The following CNNM2 variants were observed in gnomAD, a reference collection of about 807,000 sequenced individuals.
CNNM2 encodes metal transporter CNNM2.
A neutral mutation model predicts 66.9 loss-of-function variants in CNNM2; 12 were observed. The observed-to-expected ratio is 0.18, with a 90% CI of 0.11 to 0.29. CNNM2 has a LOEUF of 0.29. Among genes scored for constraint, CNNM2 ranks in the 10% least tolerant of loss-of-function variants. The probability of loss-of-function intolerance (pLI) is 1.00; values close to 1 mark genes in which losing one functional copy is unlikely to be tolerated. For missense variants in CNNM2, 705 were observed against 1,167.7 expected, an observed-to-expected ratio of 0.60 and a Z score of 5.77; for synonymous variants, 557 against 501.8, an observed-to-expected ratio of 1.11 and a Z score of -1.47.
chr10:103,089,557 A>C lies in CNNM2; in HGVS notation c.*12377A>C. On this transcript the variant is annotated 3_prime_UTR_variant, in exon 8 of 8. Coordinates refer to ENST00000369878, the MANE Select transcript of CNNM2 (RefSeq NM_017649.5). The stretch of plus-strand genomic sequence containing the variant: ...AAATCTTCAGAAACTTTTCAGACGT[A>C]CCTTTCATGGAGCCCCCTCCCTCCC... 7.0e-7 allele frequency: 1 copy of C among 1,421,626 alleles called. No individual in the cohort carries two copies. 88.1% of individuals were successfully genotyped at this position (1,421,626 alleles called of 1,614,324 possible).
In CNNM2 at chr10:103,071,781, G is replaced by T; in HGVS notation, c.2175G>T (p.Leu725Phe). 2 of 1,613,730 alleles carry T rather than the reference G, an allele frequency of 1.2e-6. No individual in the cohort carries two copies. The highest frequency in any genetic ancestry group is 8.5e-7 in the Non-Finnish European group (1 of 1,179,788). ...TTTTTCTCCATTTTTCAGTTCCTTT[G>T]TCCCTGTCTCGTACCTTTGTTGTCA... ...VMALTASPVP[L>F]SLSRTFVVSR... is the part of the protein sequence containing the mutation. Residue 725 changes from leucine to phenylalanine, a missense_variant, in exon 6 of 8, where the codon TTG becomes TTT. Physicochemically the swap from Leu to Phe is conservative, Grantham distance 22 (BLOSUM62 0). Transcript: ENST00000369878.
At chr10:103,034,094 T>G (rs1358584942) in intron 1 of CNNM2, among the ~76,000 whole-genome samples, 1 of 152,076 alleles carries the variant, frequency 6.6e-6, no homozygotes, top group Non-Finnish European at 1.5e-5. Flanking sequence ...TCTAGATGAT[T>G]AATTTTCCTT....
chr10:102,920,572 A>G (rs1845592240), intron 1 of CNNM2, among the ~76,000 whole-genome samples: 1 of 152,024 alleles, frequency 6.6e-6, no homozygotes, highest in South Asian at 2.1e-4. Flanking sequence ...TCCTCCTTAA[A>G]CATCCACACT....
At position 103,088,749 on chromosome 10, in the gene CNNM2, C is replaced by T. The variant is rs1371281533; in HGVS notation, c.*11569C>T. ...TTGTGCCCTCTACTTTAGTAAGGTT[C>T]TGGCTTACAGAGCCCTCTTCCCATC... On this transcript the variant is annotated 3_prime_UTR_variant, in exon 8 of 8. Coordinates refer to ENST00000369878, the MANE Select transcript of CNNM2 (RefSeq NM_017649.5). The T allele has an allele frequency of 5.6e-6, 1 of 179,822 alleles. No homozygotes were observed. Among genetic ancestry groups the T allele is most frequent in the Non-Finnish European group, 1.2e-5 (1 of 84,018 alleles). The allele number at this position is 179,822 out of a possible 1,614,324, so 11.1% of individuals were successfully genotyped here. A position where few individuals can be genotyped will look rare whatever the true frequency, so the allele number is the denominator to read the frequency against.
intron 5 of CNNM2, among the ~76,000 whole-genome samples, chr10:103,070,103 G>C (rs2065550166): frequency 1.3e-5 from 2 of 152,194 alleles, no homozygotes; most frequent in Non-Finnish European, 2.9e-5. Flanking sequence ...TTGAGTCCTG[G>C]AGGCACAGTG....
At chr10:103,076,369 C>T (rs2065691009) in intron 7 of CNNM2, 99 bp downstream of exon 7, 2 of 1,177,988 alleles carry the variant, frequency 1.7e-6, no homozygotes, top group African/African-American at 1.5e-5. Context: ...AGAACTCTCC[C>T]TTTGTCACTT....
chr10:103,062,436 G>C (rs1403203283), intron 4 of CNNM2, among the ~76,000 whole-genome samples: 1 of 152,246 alleles, frequency 6.6e-6, no homozygotes, highest in South Asian at 2.1e-4. Flanking sequence ...CCTTAATCTT[G>C]AGTCAAGCAC....
At chr10:102,957,059 T>C (rs1342847545) in intron 1 of CNNM2, among the ~76,000 whole-genome samples, 1 of 152,142 alleles carries the variant, frequency 6.6e-6, no homozygotes, top group Non-Finnish European at 1.5e-5. Context: ...CCCAGCACTT[T>C]GGGAGGCTGA....
intron 1 of CNNM2, among the ~76,000 whole-genome samples, chr10:102,949,420 C>T (rs1846743849): frequency 6.6e-6 from 1 of 151,856 alleles, no homozygotes; most frequent in Admixed American, 6.5e-5. Flanking sequence ...GGTAATCCGC[C>T]TGCCTCAGCC....
Position 103,076,142 on chromosome 10 carries a change from C to A in CNNM2, c.2290C>A (p.Arg764=), listed in dbSNP as rs2065686402. The change falls in exon 7 of 8, where the codon CGA becomes AGA. Residue 764 remains arginine (R), a synonymous_variant. Transcript: ENST00000369878. ...CTTGAATCACTCAGACTCTCTCAGTCGAAGCGACCGGATTGACGCCGTCAC... is the reference window on the plus strand; with the variant it reads ...CTTGAATCACTCAGACTCTCTCAGTAGAAGCGACCGGATTGACGCCGTCAC... ...CGLNHSDSLS[R]SDRIDAVTPT... 2 of 1,610,590 alleles carry A rather than the reference C, an allele frequency of 1.2e-6. No individual in the cohort carries two copies. The highest frequency in any genetic ancestry group is 4.5e-5 in the East Asian group (2 of 44,788).
At position 102,977,259 on chromosome 10, in the gene CNNM2, T is replaced by A. The variant is rs538896834; in HGVS notation, c.1621+57158T>A. Among the ~76,000 whole-genome samples the A allele has an allele frequency of 5.3e-5, 8 of 152,240 alleles. 1 individual carries two copies. Among genetic ancestry groups the A allele is most frequent in the East Asian group, 1.9e-4 (1 of 5,182 alleles). ...GGAACAAGCATTTTGGATTTTTTTTTAAAGGTTTTGGTATATTTGCATTAT... is the reference window on the plus strand; with the variant it reads ...GGAACAAGCATTTTGGATTTTTTTTAAAAGGTTTTGGTATATTTGCATTAT... On this transcript the variant is annotated intron_variant, in intron 1 of 7. Coordinates refer to ENST00000369878, the MANE Select transcript of CNNM2 (RefSeq NM_017649.5).
intron 1 of CNNM2, among the ~76,000 whole-genome samples, chr10:102,956,795 GAAC>G (rs1240787566): frequency 2.0e-5 from 3 of 151,716 alleles, no homozygotes; most frequent in Non-Finnish European, 2.9e-5. Context: ...ACAGGGCGGG[GAAC>G]AACACACACT....
At chr10:103,008,891 T>C (rs763207577) in intron 1 of CNNM2, among the ~76,000 whole-genome samples, 2 of 152,112 alleles carry the variant, frequency 1.3e-5, no homozygotes, top group Non-Finnish European at 2.9e-5. Context: ...TTCCCATTTA[T>C]AATTGTAGTA....
intron 1 of CNNM2, among the ~76,000 whole-genome samples, chr10:102,953,129 C>CA (rs1846902853): frequency 6.6e-6 from 1 of 152,102 alleles, no homozygotes; most frequent in South Asian, 2.1e-4. Flanking sequence ...TGAGATTTCT[C>CA]AGTGAAGAAT....
At chr10:103,031,079 G>C (rs184561498) in intron 1 of CNNM2, among the ~76,000 whole-genome samples, 1 of 152,272 alleles carries the variant, frequency 6.6e-6, no homozygotes, top group East Asian at 1.9e-4. Context: ...CTTTGTTGTA[G>C]TTACTCAATT....
chr10:103,029,939 C>T (rs1402649278), intron 1 of CNNM2, among the ~76,000 whole-genome samples: 1 of 151,914 alleles, frequency 6.6e-6, no homozygotes, highest in Non-Finnish European at 1.5e-5. Context: ...CTAATGGAGC[C>T]AATGAAGGCT....
chr10:102,940,053 C>A (rs555985974), intron 1 of CNNM2, among the ~76,000 whole-genome samples: 1 of 152,018 alleles, frequency 6.6e-6, no homozygotes, highest in Non-Finnish European at 1.5e-5. Flanking sequence ...GACAGATTTC[C>A]TGCTCTCAGG....
rs141481503 is a variant in CNNM2, at chr10:102,968,114, AAT to A, written c.1621+48024_1621+48025del. 0.41 allele frequency among the ~76,000 whole-genome samples: 61,895 copies of A among 151,870 alleles called. 12,811 individuals carry two copies. Among genetic ancestry groups the A allele is most frequent in the East Asian group, 0.56 (2,885 of 5,166 alleles). ...TGAAGTTTCTGGGTCATATAGTAAG[AAT>A]ATATATATATTTTACTTTTCAAGAA... On this transcript the variant is annotated intron_variant, in intron 1 of 7. Coordinates refer to ENST00000369878, the MANE Select transcript of CNNM2 (RefSeq NM_017649.5).
chr10:103,014,093 T>C (rs932200238), intron 1 of CNNM2, among the ~76,000 whole-genome samples: 2 of 152,248 alleles, frequency 1.3e-5, no homozygotes, highest in African/African-American at 4.8e-5. Context: ...CCCTGCCATT[T>C]GTCATGTTGG....
Sources: allele counts gnomAD v4.1 joint callset (sites outside exome capture counted in the v4.1 genomes callset), GRCh38; gene constraint gnomAD v4.1.1; transcripts MANE v1.5; gene names NCBI Gene and HGNC (gene_info 2026-07-23, HGNC 2026-07-21).